TAOK3: variants seen among roughly 807,000 people sequenced by gnomAD.
TAOK3 encodes serine/threonine-protein kinase TAO3.
TAOK3 carries 40 observed loss-of-function variants against 120.4 expected under a neutral mutation model. That is an observed-to-expected ratio of 0.33 (90% confidence interval 0.26 to 0.43). The LOEUF (loss-of-function observed/expected upper bound fraction) is 0.43, where lower values mean the gene tolerates loss of function less well. Among genes scored for constraint, TAOK3 ranks in the 20% least tolerant of loss-of-function variants. The pLI, the probability that TAOK3 is intolerant of heterozygous loss-of-function variation, is 1.00. For synonymous variants in TAOK3, 355 were observed against 387.5 expected (o/e 0.92, Z 0.99); for missense variants, 821 against 1,112.1 (o/e 0.74, Z 3.72).
chr12:118,251,923 G>A (rs1356352544), intron 3 of TAOK3, among the ~76,000 whole-genome samples: 1 of 151,782 alleles, frequency 6.6e-6, no homozygotes, highest in Non-Finnish European at 1.5e-5. Context: ...CCGGGTTCAT[G>A]CCATTCTCCT....
At chr12:118,337,109 C>T (rs891884272) in intron 1 of TAOK3, among the ~76,000 whole-genome samples, 4 of 152,058 alleles carry the variant, frequency 2.6e-5, no homozygotes, top group Non-Finnish European at 5.9e-5. Context: ...ACAGGAATTT[C>T]ACTAAAGAGG....
intron 2 of TAOK3, among the ~76,000 whole-genome samples, chr12:118,263,005 T>C (rs1051301633): frequency 4.6e-5 from 7 of 152,250 alleles, no homozygotes; most frequent in African/African-American, 9.6e-5. Flanking sequence ...CTAAAATTCA[T>C]ATGAGAATTC....
chr12:118,280,135 CACTGCA>C (rs1360561680), intron 1 of TAOK3, among the ~76,000 whole-genome samples: 1 of 148,328 alleles, frequency 6.7e-6, no homozygotes, highest in Non-Finnish European at 1.5e-5. Context: ...CATCTTAGCT[CACTGCA>C]ACCTCCGCCT....
In TAOK3 at chr12:118,175,614, C is replaced by T. The variant is rs576517430; in HGVS notation, c.1695+1587G>A. On this transcript the variant is annotated intron_variant, in intron 16 of 20. Transcript: ENST00000392533. ...TGCACTCCAGCTTGGGCAACAAGAG[C>T]GAAACTCCATCTCAAAAGAAAAAAA... Among the ~76,000 whole-genome samples, 337 of 151,470 alleles carry T rather than the reference C, an allele frequency of 2.2e-3. 3 individuals are homozygous for T. The highest frequency in any genetic ancestry group is 3.5e-3 in the Non-Finnish European group (241 of 67,908).
intron 17 of TAOK3, among the ~76,000 whole-genome samples, chr12:118,167,302 C>G (rs532190488): frequency 1.3e-5 from 2 of 151,914 alleles, no homozygotes; most frequent in East Asian, 3.9e-4. Flanking sequence ...AGTATAAACT[C>G]CTTTAGAGAG....
chr12:118,312,030 C>A (rs189855553), intron 1 of TAOK3, among the ~76,000 whole-genome samples: 6 of 152,012 alleles, frequency 3.9e-5, no homozygotes, highest in East Asian at 1.9e-4. Flanking sequence ...AGGAAAGTAG[C>A]AAAACAACAG....
chr12:118,264,277 T>C (rs1183458332), intron 2 of TAOK3, among the ~76,000 whole-genome samples: 6 of 152,218 alleles, frequency 3.9e-5, no homozygotes, highest in African/African-American at 1.4e-4. Context: ...AAGCCATGTA[T>C]ACAAATGTTC....
intron 1 of TAOK3, among the ~76,000 whole-genome samples, chr12:118,318,260 C>T (rs1471102971): frequency 2.0e-5 from 3 of 151,292 alleles, no homozygotes; most frequent in Admixed American, 6.6e-5. Flanking sequence ...TGGGTTCAAG[C>T]GATTCTCCTG....
intron 1 of TAOK3, among the ~76,000 whole-genome samples, chr12:118,308,788 G>A (rs1217731639): frequency 6.6e-6 from 1 of 151,908 alleles, no homozygotes; most frequent in African/African-American, 2.4e-5. Flanking sequence ...AAATTAGCCA[G>A]GCGTGGTGGC....
chr12:118,227,100 A>G (rs1012802650), intron 9 of TAOK3, among the ~76,000 whole-genome samples: 2 of 151,980 alleles, frequency 1.3e-5, no homozygotes, highest in Non-Finnish European at 2.9e-5. Flanking sequence ...GGTAAGAAAA[A>G]ACTAGTTAAA....
intron 1 of TAOK3, among the ~76,000 whole-genome samples, chr12:118,314,289 G>A (rs992797172): frequency 2.0e-5 from 3 of 151,858 alleles, no homozygotes; most frequent in African/African-American, 4.8e-5. Context: ...GTCCACAAAG[G>A]GTTTGTCCCT....
intron 1 of TAOK3, among the ~76,000 whole-genome samples, chr12:118,291,996 G>A (rs1273284566): frequency 6.6e-6 from 1 of 152,068 alleles, no homozygotes; most frequent in Non-Finnish European, 1.5e-5. Flanking sequence ...TGTATTTTTA[G>A]TGAAGACGGG....
chr12:118,323,241 T>TAGAAAGATCAATGAAAC (rs1396852986), intron 1 of TAOK3, among the ~76,000 whole-genome samples: 1 of 152,026 alleles, frequency 6.6e-6, no homozygotes, highest in Non-Finnish European at 1.5e-5. Flanking sequence ...GGCAATGAAA[T>TAGAAAGATCAATGAAAC]AGAAAGATCA....
At chr12:118,269,102 C>T (rs1358133207) in intron 1 of TAOK3, among the ~76,000 whole-genome samples, 1 of 148,908 alleles carries the variant, frequency 6.7e-6, no homozygotes, top group East Asian at 1.9e-4. Context: ...ACATTCATTC[C>T]TAGAAAATAG....
At chr12:118,211,639 G>A (rs753973219) in intron 11 of TAOK3, among the ~76,000 whole-genome samples, 1 of 137,720 alleles carries the variant, frequency 7.3e-6, no homozygotes, top group African/African-American at 2.7e-5. Flanking sequence ...TAAAGAGATG[G>A]TATTTTCACT....
rs1245515469 is a variant in TAOK3 at position 118,371,623 on chromosome 12, G to A, written c.-194+1025C>T. 1.3e-5 allele frequency among the ~76,000 whole-genome samples: 2 copies of A among 152,232 alleles called. No homozygotes were observed. Among genetic ancestry groups the A allele is most frequent in the East Asian group, 3.9e-4 (2 of 5,160 alleles). ...CCTCCCCGCTCCACTCGTCTGCGCT[G>A]CAGCCGGTTCCTATTTGCCCGACGC... On this transcript the variant is annotated intron_variant, in intron 1 of 20. Transcript: ENST00000392533. The surrounding 1 kb of genome is among the most constrained non-coding windows in gnomAD (Gnocchi z 5.5).
intron 17 of TAOK3, among the ~76,000 whole-genome samples, chr12:118,163,610 TAA>T (rs879880335): frequency 6.2e-5 from 8 of 129,416 alleles, no homozygotes; most frequent in Admixed American, 7.6e-5. Context: ...ACGTCCAAAT[TAA>T]AAAAAAAAAA....
chr12:118,286,226 T>A (rs914797415), intron 1 of TAOK3, among the ~76,000 whole-genome samples: 1 of 152,152 alleles, frequency 6.6e-6, no homozygotes, highest in Admixed American at 6.5e-5. Flanking sequence ...GTTAAGTTGC[T>A]TCAAAGTAGT....
At chr12:118,170,116 T>A (rs1389474356) in intron 17 of TAOK3, among the ~76,000 whole-genome samples, 1 of 152,172 alleles carries the variant, frequency 6.6e-6, no homozygotes, top group Non-Finnish European at 1.5e-5. Flanking sequence ...ACCAGCCTTG[T>A]CCATATCCTA....
Sources: gnomAD v4.1 joint callset for allele counts (sites outside exome capture counted in the v4.1 genomes callset) on GRCh38, gnomAD v4.1.1 for gene constraint, Gnocchi (gnomAD v3.1) non-coding constraint, MANE v1.5 for transcripts, NCBI Gene and HGNC (gene_info 2026-07-23, HGNC 2026-07-21) for gene names.